KLHDC3: variants seen among roughly 807,000 people sequenced by gnomAD.
The protein encoded by KLHDC3 is kelch domain-containing protein 3.
Under a neutral mutation model 44.1 loss-of-function variants are expected in KLHDC3, and 5 were observed. The ratio of observed to expected loss-of-function variants is 0.11; its 90% CI spans 0.06 to 0.24. KLHDC3 has a LOEUF of 0.24. Ranked by LOEUF, KLHDC3 falls within the 10% of genes least tolerant of loss-of-function variation. KLHDC3 has a pLI of 1.00. For missense variants in KLHDC3, 247 were observed against 514.3 expected, an observed-to-expected ratio of 0.48 and a Z score of 5.03; for synonymous variants, 170 against 189.0, an observed-to-expected ratio of 0.90 and a Z score of 0.82.
At chr6:43,015,064 C>T (rs1762529553) in intron 1 of KLHDC3, among the ~76,000 whole-genome samples, 1 of 152,102 alleles carries the variant, frequency 6.6e-6, no homozygotes, top group Non-Finnish European at 1.5e-5. Flanking sequence ...TATCTCCTCT[C>T]CTGTGCATAT....
In KLHDC3 at chr6:43,019,895, G is replaced by A. The variant is rs548190765; in HGVS notation, c.1082+529G>A. On this transcript the variant is annotated intron_variant, in intron 10 of 10. Coordinates refer to ENST00000326974, the MANE Select transcript of KLHDC3 (RefSeq NM_057161.4). ...GTATCAGTTCAGTTTAACTCTTGCT[G>A]GCTGGGCATGGTGGCTCATACCTGT... is the stretch of plus-strand genomic sequence containing the variant. Among the ~76,000 whole-genome samples, 3 of 152,302 alleles carry A rather than the reference G, an allele frequency of 2.0e-5. No individual in the cohort carries two copies. In the South Asian group the frequency reaches 6.2e-4, roughly 32 times the overall value.
At chr6:43,020,113 T>C (rs148608280) in intron 10 of KLHDC3, among the ~76,000 whole-genome samples, 3,251 of 150,562 alleles carry the variant, frequency 0.022, 43 homozygotes, top group Non-Finnish European at 0.03. Context: ...GAGGCGGGGG[T>C]TTCAGTGAGT....
chr6:43,016,122 G>C (rs1333067067), intron 1 of KLHDC3, among the ~76,000 whole-genome samples: 3 of 151,944 alleles, frequency 2.0e-5, no homozygotes, highest in African/African-American at 4.8e-5. Flanking sequence ...TTTTAGTAGA[G>C]ACGGGTTTCA....
Position 43,018,551 on chromosome 6 carries a change from C to T in KLHDC3, c.728C>T (p.Ser243Leu), listed in dbSNP as rs1185136368. ...CTGCCTGAGGGGCGCCGGAGCCACT[C>T]GGCCTGTGAGTGTTTGTTACTTCCC... ...PVLPEGRRSH[S>L]AFGYNGELYI... The change falls in exon 6 of 11, where the codon TCG (serine) becomes TTG (leucine). Residue 243 changes from serine (S) to leucine (L), a missense_variant. By Grantham distance (145) the Ser-to-Leu change is moderately radical (BLOSUM62 -2). Around this residue, in one of 2 missense-constraint regions of KLHDC3, gnomAD observed 176 missense variants for 413.5 expected, o/e 0.43. Coordinates refer to ENST00000326974, the MANE Select transcript of KLHDC3 (RefSeq NM_057161.4). This position sits in a 1 kb window ranked among gnomAD's most constrained non-coding sequence, Gnocchi z 6.0. The T allele has an allele frequency of 2.5e-6, 4 of 1,613,848 alleles. No individual in the cohort carries two copies. The highest frequency in any genetic ancestry group is 1.7e-5 in the Admixed American group (1 of 60,000).
intron 10 of KLHDC3, 50 bp from the exon 11 acceptor site, chr6:43,020,617 T>G (rs750155546): frequency 3.0e-5 from 44 of 1,468,674 alleles, no homozygotes; most frequent in Non-Finnish European, 4.1e-5. Context: ...ATCCCTTAGC[T>G]TGGGCTGAGG....
At chr6:43,019,020 T>C (rs1762638441) in intron 8 of KLHDC3, 49 bp downstream of exon 8, 3 of 1,561,170 alleles carry the variant, frequency 1.9e-6, no homozygotes, top group Non-Finnish European at 2.6e-6. Context: ...AATGGGAGAG[T>C]GGGAGGTATT....
chr6:43,019,550 G>C (rs1392918585), intron 10 of KLHDC3, among the ~76,000 whole-genome samples, 184 bp downstream of exon 10: 5 of 151,984 alleles, frequency 3.3e-5, no homozygotes, highest in Non-Finnish European at 7.4e-5. Context: ...ACTGTCAGCA[G>C]AATAAATTAT....
chr6:43,019,861 C>G (rs1460833260), intron 10 of KLHDC3, among the ~76,000 whole-genome samples: 1 of 152,142 alleles, frequency 6.6e-6, no homozygotes, highest in Admixed American at 6.5e-5. Context: ...TGAGATACTT[C>G]GTCTCTTTGT....
Position 43,018,731 on chromosome 6 carries a change from T to G in KLHDC3, c.820+12T>G. On this transcript the variant is annotated intron_variant, in intron 7 of 10. Coordinates refer to ENST00000326974, the MANE Select transcript of KLHDC3 (RefSeq NM_057161.4). This position sits in a 1 kb window ranked among gnomAD's most constrained non-coding sequence, Gnocchi z 6.0. ...GAAGTTTAATCCTGGTAAAGAGCAC[T>G]GCATTTAGGGCAGGAACAAGGAGCA... 2.5e-6 allele frequency: 4 copies of G among 1,610,514 alleles called. No individual in the cohort carries two copies. The highest frequency in any genetic ancestry group is 3.4e-6 in the Non-Finnish European group (4 of 1,176,834).
Position 43,017,207 on chromosome 6 carries a change from A to G in KLHDC3, c.15A>G (p.Thr5=). Residue 5 remains threonine, a synonymous_variant, in exon 2 of 11, where the codon ACA becomes ACG. Transcript: ENST00000326974. The surrounding 1 kb of genome is among the most constrained non-coding windows in gnomAD (Gnocchi z 6.0). MLRW[T]VHLEGGPRRV... The stretch of plus-strand genomic sequence containing the variant: ...TGGCCCAGGGGATGTTACGGTGGAC[A>G]GTGCACCTGGAGGGCGGGCCCCGCA... The G allele has an allele frequency of 6.2e-7, 1 of 1,613,526 alleles. No homozygotes were observed. Among genetic ancestry groups the G allele is most frequent in the South Asian group, 1.1e-5 (1 of 91,052 alleles).
In KLHDC3 at chr6:43,018,933, T is replaced by C; in HGVS notation, c.891T>C (p.Cys297=). The C allele has an allele frequency of 1.9e-6, 3 of 1,612,852 alleles. No homozygotes were observed. The highest frequency in any genetic ancestry group is 2.5e-6 in the Non-Finnish European group (3 of 1,179,316). The change falls in exon 8 of 11, where the codon TGT becomes TGC. Residue 297 remains cysteine, a synonymous_variant. Transcript: ENST00000326974. This position sits in a 1 kb window ranked among gnomAD's most constrained non-coding sequence, Gnocchi z 6.0. The part of the protein sequence containing the change: ...GPCPRRRQCC[C]IVGDKIVLFG... ...GTCCCCGCCGGCGCCAGTGCTGCTG[T>C]ATTGTTGGTGACAAGATTGTCCTCT...
chr6:43,018,021 A>G lies in KLHDC3; in HGVS notation c.447+53A>G. On this transcript the variant is annotated intron_variant, in intron 4 of 10. Transcript: ENST00000326974. This position sits in a 1 kb window ranked among gnomAD's most constrained non-coding sequence, Gnocchi z 6.0. ...TAGGGTGGGACTGAGAAAGAGGGGA[A>G]GGGCAATTTAGGATGGTGAAATGGG... The G allele has an allele frequency of 6.7e-7, 1 of 1,489,396 alleles. No homozygotes were observed. The highest frequency in any genetic ancestry group is 9.4e-7 in the Non-Finnish European group (1 of 1,066,634). The allele number at this position is 1,489,396 out of a possible 1,614,324, so 92.3% of individuals were successfully genotyped here. A position where few individuals can be genotyped will look rare whatever the true frequency, so the allele number is the denominator to read the frequency against.
chr6:43,015,969 C>T (rs1762561897), intron 1 of KLHDC3, among the ~76,000 whole-genome samples: 1 of 151,406 alleles, frequency 6.6e-6, no homozygotes, highest in Non-Finnish European at 1.5e-5. Context: ...CAGAGTCTCG[C>T]TCTGTCGCCA....
Position 43,014,551 on chromosome 6 carries a change from T to G in KLHDC3, c.-60+203T>G, listed in dbSNP as rs187642088. On this transcript the variant is annotated intron_variant, in intron 1 of 10. Transcript: ENST00000326974. ...GGAGATGGGTAGGAGAGACCTGGTGTCTGGAGGAAGCAATGAAGGAAATGG... is the reference window on the plus strand; with the variant it reads ...GGAGATGGGTAGGAGAGACCTGGTGGCTGGAGGAAGCAATGAAGGAAATGG... 134 of 462,544 alleles carry G rather than the reference T, an allele frequency of 2.9e-4. 1 individual carries two copies. The highest frequency in any genetic ancestry group is 9.6e-4 in the Middle Eastern group (3 of 3,116). The allele number at this position is 462,544 out of a possible 1,614,324, so 28.7% of individuals were successfully genotyped here.
Position 43,017,463 on chromosome 6 carries a change from G to A in KLHDC3, c.155-56G>A, listed in dbSNP as rs1034623141. ...GATTGGGGACAAACATCTGGTTTGG[G>A]AAAAGTGGACAGCCTGGAGGGAGGT... On this transcript the variant is annotated intron_variant, in intron 2 of 10. Coordinates refer to ENST00000326974, the MANE Select transcript of KLHDC3 (RefSeq NM_057161.4). This position sits in a 1 kb window ranked among gnomAD's most constrained non-coding sequence, Gnocchi z 6.0. The A allele has an allele frequency of 6.4e-7, 1 of 1,562,198 alleles. No individual in the cohort carries two copies. Among genetic ancestry groups the A allele is most frequent in the Non-Finnish European group, 8.7e-7 (1 of 1,150,374 alleles).
At chr6:43,015,055 A>G (rs1439214840) in intron 1 of KLHDC3, among the ~76,000 whole-genome samples, 1 of 152,184 alleles carries the variant, frequency 6.6e-6, no homozygotes, top group Non-Finnish European at 1.5e-5. Flanking sequence ...GGAATTGCTT[A>G]TCTCCTCTCC....
intron 1 of KLHDC3, among the ~76,000 whole-genome samples, chr6:43,016,110 AT>A (rs1337822212): frequency 6.6e-6 from 1 of 151,566 alleles, no homozygotes; most frequent in African/African-American, 2.4e-5. Flanking sequence ...TAATTTTTGT[AT>A]TTTTAGTAGA....
chr6:43,016,947 TC>T, intron 1 of KLHDC3, 186 bp from the exon 2 acceptor site: 1 of 544,024 alleles, frequency 1.8e-6, no homozygotes, highest in Non-Finnish European at 3.3e-6. Flanking sequence ...CCCAGGCTGC[TC>T]CCTGACCTCG....
At chr6:43,020,101 G>A (rs943276212) in intron 10 of KLHDC3, among the ~76,000 whole-genome samples, 6 of 152,120 alleles carry the variant, frequency 3.9e-5, no homozygotes, top group African/African-American at 7.2e-5. Context: ...GCTTGAACCC[G>A]GGAGGCGGGG....
Sources: gnomAD v4.1 joint callset for allele counts (sites outside exome capture counted in the v4.1 genomes callset) on GRCh38, gnomAD v4.1.1 for gene constraint, gnomAD v4.1.1 regional missense constraint, Gnocchi (gnomAD v3.1) non-coding constraint, MANE v1.5 for transcripts, NCBI Gene and HGNC (gene_info 2026-07-23, HGNC 2026-07-21) for gene names.